Variants in ABCA3 observed in about 807,000 individuals in gnomAD.
The protein encoded by ABCA3 is ATP binding cassette subfamily A member 3, also known as phospholipid-transporting ATPase ABCA3.
Under a neutral mutation model 172.8 loss-of-function variants are expected in ABCA3, and 88 were observed. That is an observed-to-expected ratio of 0.51 (90% CI 0.43 to 0.61). The LOEUF (loss-of-function observed/expected upper bound fraction) is 0.61. Among genes scored for constraint, ABCA3 ranks in the 20% least tolerant of loss-of-function variants. The pLI, the probability that ABCA3 is intolerant of heterozygous loss-of-function variation, is 0.00. For missense variants in ABCA3, 2,164 were observed against 2,301.0 expected (o/e 0.94, Z 1.22); for synonymous variants, 1,066 against 983.8 (o/e 1.08, Z -1.56).
At chr16:2,299,597 C>T in intron 13 of ABCA3, 65 bp from the exon 14 acceptor site, 1 of 1,603,872 alleles carries the variant, frequency 6.2e-7, no homozygotes, top group Non-Finnish European at 8.5e-7. Flanking sequence ...CAAGGCCTCT[C>T]CTGCTCCCCT....
intron 12 of ABCA3, 70 bp downstream of exon 12, chr16:2,303,899 C>T: frequency 1.3e-6 from 2 of 1,573,486 alleles, no homozygotes; most frequent in Non-Finnish European, 1.7e-6. Context: ...AGAGGGGTCC[C>T]TGAGCAGGTA....
Position 2,297,177 on chromosome 16 carries a change from C to T in ABCA3, c.2263+152G>A. ...CTCTTCCCTCTCACAAGCCCCCCTG[C>T]CTGGTTGGGCTCTCCACCCAGAGGC... On this transcript the variant is annotated intron_variant, in intron 17 of 32. Transcript: ENST00000301732. This position sits in a 1 kb window ranked among gnomAD's most constrained non-coding sequence, Gnocchi z 5.6. The T allele has an allele frequency of 1.2e-6, 1 of 807,806 alleles. No individual in the cohort carries two copies. The highest frequency in any genetic ancestry group is 2.0e-6 in the Non-Finnish European group (1 of 488,354). The allele number at this position is 807,806 out of a possible 1,614,324, so 50.0% of individuals were successfully genotyped here.
rs984214738 is a variant in ABCA3 at position 2,285,234 on chromosome 16, C to T, written c.3483+208G>A. 3.3e-5 allele frequency among the ~76,000 whole-genome samples: 5 copies of T among 152,184 alleles called. No homozygotes were observed. The East Asian group carries it at 7.7e-4, about 23-fold the overall frequency. On this transcript the variant is annotated intron_variant, in intron 23 of 32. Transcript: ENST00000301732. This position sits in a 1 kb window ranked among gnomAD's most constrained non-coding sequence, Gnocchi z 4.7. The stretch of plus-strand genomic sequence containing the variant: ...GGAGCTGTAACCAGGATGGCTGCTC[C>T]GGGTGCTGCCCATGCATGGAGGGTA...
In ABCA3 at chr16:2,287,557, T is replaced by A. The variant is rs2093664990; in HGVS notation, c.3004+469A>T. ...CCTCCCAAAGTAGTGGGATGACAGG[T>A]GTGAGCTACTGTGCCTGGCCAAGAA... On this transcript the variant is annotated intron_variant, in intron 21 of 32. Transcript: ENST00000301732. This position sits in a 1 kb window ranked among gnomAD's most constrained non-coding sequence, Gnocchi z 4.1. Among the ~76,000 whole-genome samples, 1 of 152,128 alleles carries A rather than the reference T, an allele frequency of 6.6e-6. No individual in the cohort carries two copies. The highest frequency in any genetic ancestry group is 1.5e-5 in the Non-Finnish European group (1 of 68,026).
chr16:2,332,715 A>G (rs771188997), intron 1 of ABCA3: 100 of 1,380,726 alleles, frequency 7.2e-5, no homozygotes, highest in Non-Finnish European at 9.8e-5. Context: ...TCTTGTGTCC[A>G]AAGACCCGCA....
chr16:2,329,154 A>C (rs933561260), intron 2 of ABCA3, among the ~76,000 whole-genome samples: 8 of 152,234 alleles, frequency 5.3e-5, no homozygotes, highest in Non-Finnish European at 1.0e-4. Context: ...TAAAAAGTGA[A>C]GAAATTAAAG....
intron 12 of ABCA3, among the ~76,000 whole-genome samples, chr16:2,303,560 A>ACGCC (rs1045090862): frequency 1.3e-5 from 2 of 151,990 alleles, no homozygotes; most frequent in African/African-American, 4.8e-5. Flanking sequence ...GTGAGCCACC[A>ACGCC]CGCCTGGCCG....
At position 2,319,749 on chromosome 16, in the gene ABCA3, G is replaced by C. The variant is rs753182174; in HGVS notation, c.705C>G (p.Phe235Leu). The change falls in exon 8 of 33, where the codon TTC becomes TTG. Residue 235 changes from phenylalanine to leucine, a missense_variant. Phe to Leu is a conservative substitution (Grantham distance 22). This residue lies in a region of ABCA3 where 1,343 missense variants were observed against 1,369.6 expected (regional missense o/e 0.98). Coordinates refer to ENST00000301732, the MANE Select transcript of ABCA3 (RefSeq NM_001089.3). Reference protein sequence around the residue: ...YHADAATRQLFQRLTVTIKRF... With the variant: ...YHADAATRQLLQRLTVTIKRF... ...TCTTGATGGTCACCGTCAGTCTCTG[G>C]AACAGCTGGCGTGTGGCGGCATCGG... The C allele has an allele frequency of 6.2e-7, 1 of 1,613,998 alleles. No individual in the cohort carries two copies. Among genetic ancestry groups the C allele is most frequent in the Non-Finnish European group, 8.5e-7 (1 of 1,180,012 alleles).
Position 2,285,460 on chromosome 16 carries a change from G to A in ABCA3, c.3465C>T (p.Ile1155=). The A allele has an allele frequency of 1.2e-6, 2 of 1,611,034 alleles. No individual in the cohort carries two copies. The highest frequency in any genetic ancestry group is 1.7e-6 in the Non-Finnish European group (2 of 1,178,716). The change falls in exon 23 of 33, where the codon ATC becomes ATT. Residue 1155 remains isoleucine (I), a synonymous_variant. Transcript: ENST00000301732. The surrounding 1 kb of genome is among the most constrained non-coding windows in gnomAD (Gnocchi z 4.7). Reference sequence around the variant, plus strand: ...CGCTCACCAGCAGCAGCAGACTGGGGATGAGGAAGGAGATGAGGTCCCACA... The same window carrying A: ...CGCTCACCAGCAGCAGCAGACTGGGAATGAGGAAGGAGATGAGGTCCCACA... ...ALLWDLISFL[I]PSLLLLVVFK... is the part of the protein sequence containing the mutation.
intron 12 of ABCA3, among the ~76,000 whole-genome samples, chr16:2,301,573 AGTG>A (rs1388082169): frequency 6.6e-6 from 1 of 151,546 alleles, no homozygotes; most frequent in Non-Finnish European, 1.5e-5. Flanking sequence ...AGGTGCGTGT[AGTG>A]GTGGGTGCCT....
chr16:2,307,068 A>G lies in ABCA3; in HGVS notation c.1285+1382T>C, dbSNP rs1017507173. On this transcript the variant is annotated intron_variant, in intron 11 of 32. Transcript: ENST00000301732. ...AAGAAAAGAAAAAAAGTGAGTCGTG[A>G]TGATGCCATTGCACTCCAGGCTGGG... Among the ~76,000 whole-genome samples the G allele has an allele frequency of 1.3e-5, 2 of 150,950 alleles. 1 individual carries two copies. The highest frequency in any genetic ancestry group is 4.2e-4 in the South Asian group (2 of 4,752).
chr16:2,279,008 G>T lies in ABCA3; in HGVS notation c.4482C>A (p.Cys1494Ter). 6.2e-7 allele frequency: 1 copy of T among 1,613,544 alleles called. No homozygotes were observed. Among genetic ancestry groups the T allele is most frequent in the Non-Finnish European group, 8.5e-7 (1 of 1,180,036 alleles). ...GCAGGCCCCGCAGAGTGTTCTCCAC[G>T]CAGGCCCCGATGTGGCGCTCAGGGA... Reference protein sequence around the residue: ...RGIPERHIGACVENTLRGLLL... With the variant: ...RGIPERHIGA The change falls in exon 29 of 33, where the codon TGC becomes TGA. Residue 1494 changes from cysteine (C) to a stop codon, truncating the protein, a stop_gained. Coordinates refer to ENST00000301732, the MANE Select transcript of ABCA3 (RefSeq NM_001089.3). LOFTEE classifies it high-confidence loss of function. This position sits in a 1 kb window ranked among gnomAD's most constrained non-coding sequence, Gnocchi z 4.4.
rs1408936591 is a variant in ABCA3, at chr16:2,284,878, A to G, written c.3604T>C (p.Phe1202Leu). 5 of 1,613,838 alleles carry G rather than the reference A, an allele frequency of 3.1e-6. No homozygotes were observed. The South Asian group carries it at 4.4e-5, about 14-fold the overall frequency. ...IIPLMYLMNF[F>L]FLGAATAYTR... is the part of the protein sequence containing the mutation. The stretch of plus-strand genomic sequence containing the variant: ...TAGGCAGTGGCCGCCCCCAAGAAGA[A>G]GAAGTTCATCAGGTACATGAGGGGG... The change falls in exon 24 of 33, where the codon TTC becomes CTC. Residue 1202 changes from phenylalanine (F) to leucine (L), a missense_variant. Phe to Leu is a conservative substitution (Grantham distance 22). Around this residue, in one of 3 missense-constraint regions of ABCA3, gnomAD observed 795 missense variants for 881.9 expected, o/e 0.90. Coordinates refer to ENST00000301732, the MANE Select transcript of ABCA3 (RefSeq NM_001089.3). This position sits in a 1 kb window ranked among gnomAD's most constrained non-coding sequence, Gnocchi z 5.9.
In ABCA3 at chr16:2,284,397, C is replaced by T; in HGVS notation, c.3744G>A (p.Val1248=). The change falls in exon 25 of 33, where the codon GTG becomes GTA. Residue 1248 remains valine, a synonymous_variant. Coordinates refer to ENST00000301732, the MANE Select transcript of ABCA3 (RefSeq NM_001089.3). This position sits in a 1 kb window ranked among gnomAD's most constrained non-coding sequence, Gnocchi z 5.9. Reference sequence around the variant, plus strand: ...GACAGTGGTTGGGCAGCACCAGGAACACGTGATCCAGGGTTTTGGAAAGTT... The same window carrying T: ...GACAGTGGTTGGGCAGCACCAGGAATACGTGATCCAGGGTTTTGGAAAGTT... ...LEELSKTLDH[V]FLVLPNHCLG... 1.2e-6 allele frequency: 2 copies of T among 1,614,012 alleles called. No individual in the cohort carries two copies. Among genetic ancestry groups the T allele is most frequent in the East Asian group, 2.2e-5 (1 of 44,876 alleles).
chr16:2,325,689 T>C (rs2141740068), intron 5 of ABCA3, among the ~76,000 whole-genome samples: 1 of 152,314 alleles, frequency 6.6e-6, no homozygotes, highest in South Asian at 2.1e-4. Flanking sequence ...GAAAGGAGCC[T>C]GGGGCAACTG....
chr16:2,291,541 T>C (rs1254323238), intron 19 of ABCA3, among the ~76,000 whole-genome samples: 2 of 152,172 alleles, frequency 1.3e-5, no homozygotes, highest in Admixed American at 6.5e-5. Flanking sequence ...CAAGAAGAGC[T>C]GGGCACGCCT....
At chr16:2,334,356 CG>C (rs1481616916) in intron 1 of ABCA3, among the ~76,000 whole-genome samples, 1 of 152,022 alleles carries the variant, frequency 6.6e-6, no homozygotes, top group African/African-American at 2.4e-5. Flanking sequence ...GAAGGGAGCT[CG>C]GGGTGTGTCC....
chr16:2,333,235 C>T (rs555646207), intron 1 of ABCA3, among the ~76,000 whole-genome samples: 2 of 152,256 alleles, frequency 1.3e-5, no homozygotes, highest in Admixed American at 6.5e-5. Flanking sequence ...AGACCCATTA[C>T]GCCATGTGTT....
At chr16:2,322,196 GAAA>G (rs770820216) in intron 7 of ABCA3, among the ~76,000 whole-genome samples, 1 of 117,448 alleles carries the variant, frequency 8.5e-6, no homozygotes, top group Non-Finnish European at 1.8e-5. Context: ...GATTCTGTCT[GAAA>G]AAAAAAAAAA....
Sources: gnomAD v4.1 joint callset for allele counts (sites outside exome capture counted in the v4.1 genomes callset) on GRCh38, gnomAD v4.1.1 for gene constraint, gnomAD v4.1.1 regional missense constraint, Gnocchi (gnomAD v3.1) non-coding constraint, MANE v1.5 for transcripts, NCBI Gene and HGNC (gene_info 2026-07-23, HGNC 2026-07-21) for gene names.